The following PDE4D variants were observed in gnomAD, a reference collection of about 807,000 sequenced individuals.
The protein encoded by PDE4D is 3',5'-cyclic-AMP phosphodiesterase 4D.
A neutral mutation model predicts 87.4 loss-of-function variants in PDE4D; 24 were observed. That is an observed-to-expected ratio of 0.27 (90% CI 0.20 to 0.39). The LOEUF is 0.39. Ranked by LOEUF, PDE4D falls within the 10% of genes least tolerant of loss-of-function variation. The pLI is 1.00. For missense variants in PDE4D, 714 were observed against 1,041.0 expected, an observed-to-expected ratio of 0.69 and a Z score of 4.32; for synonymous variants, 384 against 383.2, an observed-to-expected ratio of 1.00 and a Z score of -0.02.
intron 2 of PDE4D, among the ~76,000 whole-genome samples, chr5:60,067,427 A>G (rs1772223541): frequency 6.6e-6 from 1 of 152,076 alleles, no homozygotes; most frequent in Non-Finnish European, 1.5e-5. Flanking sequence ...AAATTGCTCT[A>G]TGTCTCAAAA....
intron 1 of PDE4D, among the ~76,000 whole-genome samples, chr5:59,305,999 C>T (rs1451466034): frequency 6.6e-6 from 1 of 152,038 alleles, no homozygotes; most frequent in Admixed American, 6.6e-5. Context: ...TGAAGTCCCC[C>T]ACTATTGTTG....
intron 1 of PDE4D, among the ~76,000 whole-genome samples, chr5:59,824,225 T>A (rs1770047047): frequency 1.3e-5 from 2 of 152,228 alleles, no homozygotes; most frequent in Non-Finnish European, 2.9e-5. Flanking sequence ...ATATTAAAAA[T>A]TTTATTAATG....
intron 1 of PDE4D, among the ~76,000 whole-genome samples, chr5:59,554,182 C>T (rs1238071714): frequency 1.3e-5 from 2 of 152,136 alleles, no homozygotes; most frequent in African/African-American, 2.4e-5. Flanking sequence ...CTGCTCTTGA[C>T]ATTGTACCAC....
chr5:59,601,418 CTT>C (rs11331261), intron 1 of PDE4D, among the ~76,000 whole-genome samples: 823 of 146,476 alleles, frequency 5.6e-3, no homozygotes, highest in African/African-American at 0.012. Flanking sequence ...TTCTGGTTTG[CTT>C]TTTTTTTTTT....
At chr5:59,798,845 C>T (rs985524548) in intron 1 of PDE4D, among the ~76,000 whole-genome samples, 1 of 152,044 alleles carries the variant, frequency 6.6e-6, no homozygotes, top group African/African-American at 2.4e-5. Flanking sequence ...TACCTTGAGC[C>T]TCTGTGGTAT....
intron 1 of PDE4D, among the ~76,000 whole-genome samples, chr5:59,817,501 C>T (rs1769107425): frequency 6.6e-6 from 1 of 152,070 alleles, no homozygotes; most frequent in South Asian, 2.1e-4. Context: ...CGTCCCTCAC[C>T]CCAATTCATA....
At chr5:59,757,471 G>T (rs1441831433) in intron 1 of PDE4D, among the ~76,000 whole-genome samples, 1 of 152,104 alleles carries the variant, frequency 6.6e-6, no homozygotes, top group Non-Finnish European at 1.5e-5. Context: ...TCAAGTCAAA[G>T]AGACTATTCT....
intron 5 of PDE4D, among the ~76,000 whole-genome samples, chr5:59,057,774 G>T (rs1762569388): frequency 6.6e-6 from 1 of 152,106 alleles, no homozygotes; most frequent in African/African-American, 2.4e-5. Context: ...TGGTAGGAAG[G>T]GCTTTCTGGG....
chr5:60,307,288 A>G (rs1754584690), intron 1 of PDE4D, among the ~76,000 whole-genome samples: 1 of 152,192 alleles, frequency 6.6e-6, no homozygotes, highest in East Asian at 1.9e-4. Context: ...TCTAGATCTT[A>G]AAGTGTATTA....
chr5:59,668,880 A>G (rs1287136607), intron 1 of PDE4D, among the ~76,000 whole-genome samples: 3 of 78,294 alleles, frequency 3.8e-5, no homozygotes, highest in African/African-American at 1.7e-4. Context: ...GAAGAAGAAG[A>G]AGAAGAAGAA....
chr5:59,702,459 G>A (rs972462250), intron 1 of PDE4D, among the ~76,000 whole-genome samples: 1 of 151,980 alleles, frequency 6.6e-6, no homozygotes, highest in Non-Finnish European at 1.5e-5. Context: ...AATTATAATC[G>A]TGCTGAGAGA....
At chr5:59,726,436 G>A (rs1336430201) in intron 1 of PDE4D, among the ~76,000 whole-genome samples, 1 of 152,030 alleles carries the variant, frequency 6.6e-6, no homozygotes, top group Non-Finnish European at 1.5e-5. Context: ...GGTGGGGCCT[G>A]CAATGATGGG....
At chr5:59,767,380 C>T (rs1359490549) in intron 1 of PDE4D, among the ~76,000 whole-genome samples, 1 of 152,096 alleles carries the variant, frequency 6.6e-6, no homozygotes, top group Non-Finnish European at 1.5e-5. Context: ...CTTGGACTCA[C>T]TGATCAGAGT....
At chr5:59,660,430 C>T (rs911899185) in intron 1 of PDE4D, among the ~76,000 whole-genome samples, 2 of 152,048 alleles carry the variant, frequency 1.3e-5, no homozygotes, top group Admixed American at 6.6e-5. Context: ...TTTTCTCTCT[C>T]AAAAACAAAT....
intron 5 of PDE4D, among the ~76,000 whole-genome samples, chr5:59,090,518 A>G (rs1365298643): frequency 2.0e-5 from 3 of 152,154 alleles, no homozygotes; most frequent in African/African-American, 7.2e-5. Flanking sequence ...AGCTCTTTGC[A>G]CTGTTTACAA....
chr5:60,213,914 A>G (rs1743548552), intron 1 of PDE4D, among the ~76,000 whole-genome samples: 1 of 152,182 alleles, frequency 6.6e-6, no homozygotes, highest in South Asian at 2.1e-4. Context: ...ATCTTAATGT[A>G]TTATAATTTT....
At chr5:59,019,070 C>T (rs1754595028) in intron 6 of PDE4D, among the ~76,000 whole-genome samples, 1 of 152,012 alleles carries the variant, frequency 6.6e-6, no homozygotes, top group East Asian at 1.9e-4. Context: ...GTCCAGCCCT[C>T]CCCCAATACC....
rs568903776 is a variant in PDE4D, at chr5:59,352,480, G to T, written c.456-136512C>A. On this transcript the variant is annotated intron_variant, in intron 1 of 14. Transcript: ENST00000340635. ...GGCATTCACTTCCTTTCTAAGATGT[G>T]GGTTTGAGACAGCTTTTTCTAATGG... 1.1e-4 allele frequency among the ~76,000 whole-genome samples: 17 copies of T among 152,222 alleles called. No homozygotes were observed. In the South Asian group the frequency reaches 3.3e-3, roughly 30 times the overall value.
chr5:60,104,340 G>C (rs1294069094), intron 2 of PDE4D, among the ~76,000 whole-genome samples: 2 of 152,192 alleles, frequency 1.3e-5, no homozygotes, highest in Non-Finnish European at 2.9e-5. Context: ...GCTTGCTTAC[G>C]TAAACAAAGC....
Sources: allele counts gnomAD v4.1 joint callset (sites outside exome capture counted in the v4.1 genomes callset), GRCh38; gene constraint gnomAD v4.1.1; transcripts MANE v1.5; gene names NCBI Gene and HGNC (gene_info 2026-07-23, HGNC 2026-07-21).